Variants in ATRNL1 observed in about 807,000 individuals in gnomAD.
ATRNL1 encodes the protein attractin-like protein 1.
ATRNL1 carries 95 observed loss-of-function variants against 182.7 expected under a neutral mutation model. The observed-to-expected ratio is 0.52, with a 90% CI of 0.44 to 0.62. ATRNL1 has a LOEUF of 0.62. Ranked by LOEUF, ATRNL1 falls within the 20% of genes least tolerant of loss-of-function variation. The pLI, the probability that ATRNL1 is intolerant of heterozygous loss-of-function variation, is 0.00. For synonymous variants in ATRNL1, 576 were observed against 568.3 expected (o/e 1.01, Z -0.19); for missense variants, 1,471 against 1,679.5 (o/e 0.88, Z 2.17).
At chr10:115,146,396 G>A (rs138695123) in intron 5 of ATRNL1, among the ~76,000 whole-genome samples, 66 of 151,928 alleles carry the variant, frequency 4.3e-4, no homozygotes, top group East Asian at 4.3e-3. Context: ...TTTGTTATCC[G>A]CATAGAATGT....
intron 26 of ATRNL1, among the ~76,000 whole-genome samples, chr10:115,599,263 T>G (rs1214886853): frequency 6.6e-6 from 1 of 152,190 alleles, no homozygotes; most frequent in Non-Finnish European, 1.5e-5. Context: ...GTGACAGAGT[T>G]TTTTCATTTT....
chr10:115,266,200 T>G (rs1851601320), intron 11 of ATRNL1, among the ~76,000 whole-genome samples: 1 of 151,896 alleles, frequency 6.6e-6, no homozygotes, highest in East Asian at 1.9e-4. Flanking sequence ...TTGGCACTGC[T>G]TGGTATTAAT....
chr10:115,868,045 T>G (rs1951480343), intron 28 of ATRNL1, among the ~76,000 whole-genome samples: 1 of 152,214 alleles, frequency 6.6e-6, no homozygotes, highest in Non-Finnish European at 1.5e-5. Context: ...ATTACAGGCT[T>G]AAGCCACCAT....
intron 26 of ATRNL1, among the ~76,000 whole-genome samples, chr10:115,553,764 A>G (rs1853144249): frequency 6.6e-6 from 1 of 151,466 alleles, no homozygotes; most frequent in South Asian, 2.1e-4. Context: ...TTACTGGTAC[A>G]AATCCAGACA....
chr10:115,152,870 T>C (rs890681532), intron 5 of ATRNL1, among the ~76,000 whole-genome samples: 1 of 152,124 alleles, frequency 6.6e-6, no homozygotes, highest in Admixed American at 6.5e-5. Flanking sequence ...ATACCTCTTA[T>C]TATTTTGAGA....
chr10:115,452,827 T>G (rs1384994336), intron 21 of ATRNL1, among the ~76,000 whole-genome samples: 1 of 152,080 alleles, frequency 6.6e-6, no homozygotes, highest in Non-Finnish European at 1.5e-5. Flanking sequence ...TTTGTACCCT[T>G]TGAGTAACCC....
At chr10:115,480,448 C>T (rs1250682035) in intron 24 of ATRNL1, among the ~76,000 whole-genome samples, 2 of 150,942 alleles carry the variant, frequency 1.3e-5, no homozygotes, top group African/African-American at 2.4e-5. Flanking sequence ...TTTTCAAATA[C>T]ACTTTTTTCT....
At chr10:115,369,328 G>A (rs1650427905) in intron 19 of ATRNL1, among the ~76,000 whole-genome samples, 1 of 151,052 alleles carries the variant, frequency 6.6e-6, no homozygotes, top group South Asian at 2.1e-4. Flanking sequence ...TTCCATGAGG[G>A]GATGGGGGTT....
chr10:115,807,975 A>G (rs988181104), intron 27 of ATRNL1, among the ~76,000 whole-genome samples: 4 of 152,274 alleles, frequency 2.6e-5, no homozygotes, highest in African/African-American at 9.6e-5. Flanking sequence ...CCTAGTTTTC[A>G]GGGGTTTGTT....
chr10:115,389,572 ATATATATATATATATATATT>A (rs1258421853), intron 19 of ATRNL1, among the ~76,000 whole-genome samples: 2 of 115,502 alleles, frequency 1.7e-5, no homozygotes, highest in African/African-American at 6.7e-5. Context: ...ATATATATAT[ATATATATATATATATATATT>A]TCATCCAATG....
chr10:115,568,455 T>G (rs1854197532), intron 26 of ATRNL1, among the ~76,000 whole-genome samples: 2 of 152,152 alleles, frequency 1.3e-5, no homozygotes, highest in Admixed American at 6.5e-5. Context: ...GCAACATCAC[T>G]TTGGTAGTGA....
intron 1 of ATRNL1, among the ~76,000 whole-genome samples, chr10:115,119,970 T>C (rs1181558086): frequency 6.6e-6 from 1 of 152,110 alleles, no homozygotes; most frequent in African/African-American, 2.4e-5. Flanking sequence ...GGTCATGATA[T>C]ATTAAGATTT....
intron 28 of ATRNL1, among the ~76,000 whole-genome samples, chr10:115,862,944 A>G (rs369276371): frequency 7.0e-4 from 106 of 152,350 alleles, no homozygotes; most frequent in African/African-American, 2.2e-3. Flanking sequence ...AGTAAAGTGC[A>G]TACAGATATC....
At chr10:115,905,682 G>A (rs1555114400) in intron 28 of ATRNL1, among the ~76,000 whole-genome samples, 1 of 152,070 alleles carries the variant, frequency 6.6e-6, no homozygotes, top group East Asian at 1.9e-4. Flanking sequence ...CCGTGTAAAT[G>A]GTCAACTCCA....
intron 15 of ATRNL1, among the ~76,000 whole-genome samples, chr10:115,289,855 T>A (rs1554920269): frequency 6.6e-6 from 1 of 152,232 alleles, no homozygotes; most frequent in Non-Finnish European, 1.5e-5. Flanking sequence ...AGGATTGCTT[T>A]GGCTATTAGG....
intron 7 of ATRNL1, among the ~76,000 whole-genome samples, chr10:115,167,139 G>C (rs188377261): frequency 2.6e-5 from 4 of 151,758 alleles, no homozygotes; most frequent in Admixed American, 2.6e-4. Flanking sequence ...AACATCGTTT[G>C]TTAAAAAAGA....
intron 9 of ATRNL1, among the ~76,000 whole-genome samples, chr10:115,234,980 A>G (rs1403919747): frequency 2.0e-5 from 3 of 151,722 alleles, no homozygotes; most frequent in African/African-American, 7.3e-5. Context: ...TTTTTTCCTT[A>G]CTGAGTTTGG....
chr10:115,408,560 T>A (rs111301898), intron 20 of ATRNL1, among the ~76,000 whole-genome samples: 1 of 152,136 alleles, frequency 6.6e-6, no homozygotes, highest in Non-Finnish European at 1.5e-5. Context: ...TGTGCAGAAG[T>A]TTTTTATCTT....
intron 27 of ATRNL1, among the ~76,000 whole-genome samples, chr10:115,781,834 C>T (rs1949272759): frequency 6.6e-6 from 1 of 152,080 alleles, no homozygotes; most frequent in Non-Finnish European, 1.5e-5. Flanking sequence ...CAATAACAAC[C>T]CATCCATTTA....
Sources: allele counts gnomAD v4.1 joint callset (sites outside exome capture counted in the v4.1 genomes callset), GRCh38; gene constraint gnomAD v4.1.1; transcripts MANE v1.5; gene names NCBI Gene and HGNC (gene_info 2026-07-23, HGNC 2026-07-21).